NAALADL2: variants seen among roughly 807,000 people sequenced by gnomAD.
NAALADL2 encodes N-acetylated alpha-linked acidic dipeptidase like 2, also known as inactive N-acetylated-alpha-linked acidic dipeptidase-like protein 2.
A neutral mutation model predicts 87.2 loss-of-function variants in NAALADL2; 76 were observed. The observed-to-expected ratio is 0.87, with a 90% CI of 0.72 to 1.05. The LOEUF (loss-of-function observed/expected upper bound fraction) is 1.05. Among genes scored for constraint, NAALADL2 ranks in the 50% least tolerant of loss-of-function variants. NAALADL2 has a pLI of 0.00. For synonymous variants in NAALADL2, 354 were observed against 331.0 expected, an observed-to-expected ratio of 1.07 and a Z score of -0.75; for missense variants, 1,089 against 945.8, an observed-to-expected ratio of 1.15 and a Z score of -1.99.
At position 175,368,572 on chromosome 3, in the gene NAALADL2, AGT is replaced by A. The variant is rs3068008; in HGVS notation, c.1090+44270_1090+44271del. 4.5e-3 allele frequency among the ~76,000 whole-genome samples: 669 copies of A among 149,464 alleles called. 8 individuals carry two copies. Among genetic ancestry groups the A allele is most frequent in the African/African-American group, 0.012 (496 of 40,714 alleles). ...GAAAGGACTGTAGCAGGTGTGTGTG[AGT>A]GTGTGTGTGTGTGTGTGTGTGTTTA... On this transcript the variant is annotated intron_variant, in intron 5 of 13. Coordinates refer to ENST00000454872, the MANE Select transcript of NAALADL2 (RefSeq NM_207015.3).
intron 9 of NAALADL2, among the ~76,000 whole-genome samples, chr3:175,554,168 A>AGGATGTTAGAGGGT (rs755886136): frequency 6.6e-5 from 10 of 152,122 alleles, no homozygotes; most frequent in Admixed American, 3.9e-4. Context: ...TCCTAAGTGG[A>AGGATGTTAGAGGGT]GGATGTTAGA....
At chr3:175,695,003 C>A (rs1255603912) in intron 11 of NAALADL2, among the ~76,000 whole-genome samples, 1 of 151,184 alleles carries the variant, frequency 6.6e-6, no homozygotes, top group Non-Finnish European at 1.5e-5. Flanking sequence ...TGCTGTTAGA[C>A]TTTCTGTGCC....
chr3:175,611,435 A>G (rs867167372), intron 10 of NAALADL2, among the ~76,000 whole-genome samples: 1 of 152,050 alleles, frequency 6.6e-6, no homozygotes, highest in African/African-American at 2.4e-5. Flanking sequence ...CAATTGATTC[A>G]TAAATCAATT....
At chr3:174,782,186 A>G (rs1267892738) in intron 3 of NAALADL2, among the ~76,000 whole-genome samples, 4 of 152,162 alleles carry the variant, frequency 2.6e-5, no homozygotes, top group African/African-American at 9.7e-5. Context: ...AATAGTGAGT[A>G]GATGATCCTG....
At chr3:175,487,047 T>G (rs1307582501) in intron 9 of NAALADL2, among the ~76,000 whole-genome samples, 1 of 152,224 alleles carries the variant, frequency 6.6e-6, no homozygotes, top group East Asian at 1.9e-4. Context: ...CAGATCATTC[T>G]GTGCCCTTTC....
chr3:175,060,014 G>C (rs1168339308), intron 1 of NAALADL2: 1 of 420,048 alleles, frequency 2.4e-6, no homozygotes, highest in Non-Finnish European at 4.8e-6. Flanking sequence ...GGGCTTTTCA[G>C]GTCTCTGAAA....
chr3:175,549,991 A>C (rs148256582), intron 9 of NAALADL2, among the ~76,000 whole-genome samples: 4 of 152,134 alleles, frequency 2.6e-5, no homozygotes, highest in African/African-American at 7.2e-5. Flanking sequence ...AGAAGCTTAT[A>C]TATCATTTTA....
chr3:175,424,647 CT>C (rs1474611546), intron 5 of NAALADL2, among the ~76,000 whole-genome samples: 2 of 152,152 alleles, frequency 1.3e-5, no homozygotes, highest in African/African-American at 2.4e-5. Flanking sequence ...GTCTATATCT[CT>C]GTTTTGGTAC....
At chr3:175,036,412 T>C (rs1753414575) in intron 1 of NAALADL2, among the ~76,000 whole-genome samples, 1 of 152,026 alleles carries the variant, frequency 6.6e-6, no homozygotes, top group African/African-American at 2.4e-5. Flanking sequence ...CTTTTTCTTT[T>C]TTTTTGAGAC....
At chr3:175,738,986 AT>A (rs1281694069) in intron 12 of NAALADL2, among the ~76,000 whole-genome samples, 1 of 152,092 alleles carries the variant, frequency 6.6e-6, no homozygotes, top group Non-Finnish European at 1.5e-5. Context: ...TAGTTTTTAT[AT>A]TTTATACTTC....
intron 2 of NAALADL2, among the ~76,000 whole-genome samples, chr3:174,682,857 T>A (rs1359084030): frequency 6.6e-6 from 1 of 152,184 alleles, no homozygotes. Context: ...GCTTTGACAC[T>A]AATGAACATC....
chr3:174,733,093 G>T (rs1732856019), intron 2 of NAALADL2, among the ~76,000 whole-genome samples: 1 of 152,114 alleles, frequency 6.6e-6, no homozygotes, highest in Non-Finnish European at 1.5e-5. Flanking sequence ...GTTAAAAATT[G>T]TATATATGAT....
At chr3:174,567,532 T>C (rs986558612) in intron 2 of NAALADL2, among the ~76,000 whole-genome samples, 10 of 151,618 alleles carry the variant, frequency 6.6e-5, no homozygotes, top group Non-Finnish European at 3.0e-5. Flanking sequence ...ATCATACCTG[T>C]AATTGTTTTG....
chr3:175,618,826 G>A (rs943369731), intron 10 of NAALADL2, among the ~76,000 whole-genome samples: 7 of 152,108 alleles, frequency 4.6e-5, no homozygotes, highest in Non-Finnish European at 1.0e-4. Context: ...TACCTACACC[G>A]TGCCCTGGCT....
chr3:175,451,901 C>T (rs1008682609), intron 6 of NAALADL2, among the ~76,000 whole-genome samples: 17 of 151,988 alleles, frequency 1.1e-4, no homozygotes, highest in Admixed American at 3.9e-4. Flanking sequence ...ATAATTTTTA[C>T]GTATTTCTAA....
chr3:174,513,537 C>G (rs930647395), intron 1 of NAALADL2: 2 of 152,126 alleles, frequency 1.3e-5, no homozygotes, highest in Non-Finnish European at 2.9e-5. Flanking sequence ...ACTCTTATTT[C>G]ATTTGGAATT....
At chr3:175,101,766 T>A (rs1020192934) in intron 2 of NAALADL2, among the ~76,000 whole-genome samples, 2 of 152,188 alleles carry the variant, frequency 1.3e-5, no homozygotes, top group African/African-American at 4.8e-5. Context: ...AAGGCAGGAA[T>A]GTGTTTGCCT....
chr3:175,155,718 C>T (rs1732212534), intron 2 of NAALADL2, among the ~76,000 whole-genome samples: 1 of 152,042 alleles, frequency 6.6e-6, no homozygotes, highest in South Asian at 2.1e-4. Context: ...GAATATGTAG[C>T]CAGTGTTCCC....
intron 9 of NAALADL2, among the ~76,000 whole-genome samples, chr3:175,478,986 C>T (rs1371102857): frequency 6.6e-6 from 1 of 151,754 alleles, no homozygotes; most frequent in Non-Finnish European, 1.5e-5. Context: ...GATATTCGTT[C>T]TTATGACATA....
Sources: allele counts gnomAD v4.1 joint callset (sites outside exome capture counted in the v4.1 genomes callset), GRCh38; gene constraint gnomAD v4.1.1; transcripts MANE v1.5; gene names NCBI Gene and HGNC (gene_info 2026-07-23, HGNC 2026-07-21).